The following TTC17 variants were observed in gnomAD, a reference collection of about 807,000 sequenced individuals.
TTC17 encodes tetratricopeptide repeat domain 17.
TTC17 carries 58 observed loss-of-function variants against 143.8 expected under a neutral mutation model. The observed-to-expected ratio is 0.40, with a 90% CI of 0.33 to 0.50. The LOEUF (loss-of-function observed/expected upper bound fraction) is 0.50. Among genes scored for constraint, TTC17 ranks in the 20% least tolerant of loss-of-function variants. TTC17 has a pLI of 0.49. For missense variants in TTC17, 1,273 were observed against 1,392.5 expected, an observed-to-expected ratio of 0.91 and a Z score of 1.37; for synonymous variants, 501 against 497.8, an observed-to-expected ratio of 1.01 and a Z score of -0.09.
At chr11:43,483,223 C>T (rs1948320882) in intron 21 of TTC17, among the ~76,000 whole-genome samples, 1 of 152,042 alleles carries the variant, frequency 6.6e-6, no homozygotes, top group South Asian at 2.1e-4. Context: ...ACAACAAGGT[C>T]TGTTGATTTT....
At chr11:43,386,107 C>T (rs1028924668) in intron 2 of TTC17, among the ~76,000 whole-genome samples, 23 of 150,118 alleles carry the variant, frequency 1.5e-4, no homozygotes, top group Admixed American at 1.3e-4. Flanking sequence ...AAAGGATAGA[C>T]TTTTTATAAA....
intron 1 of TTC17, among the ~76,000 whole-genome samples, chr11:43,377,891 G>GGTTTT (rs913211001): frequency 2.6e-5 from 4 of 151,460 alleles, no homozygotes; most frequent in Non-Finnish European, 1.5e-5. Context: ...TTTGTTTTTT[G>GGTTTT]GTTTTGTTTT....
At chr11:43,424,642 T>A (rs1405530319) in intron 16 of TTC17, among the ~76,000 whole-genome samples, 1 of 151,932 alleles carries the variant, frequency 6.6e-6, no homozygotes, top group African/African-American at 2.4e-5. Flanking sequence ...TGGTGGTGCA[T>A]GCCTGTAATC....
chr11:43,443,962 C>A, intron 17 of TTC17, 94 bp from the exon 18 acceptor site: 1 of 1,385,474 alleles, frequency 7.2e-7, no homozygotes, highest in Non-Finnish European at 9.7e-7. Context: ...TTAACCTGAG[C>A]ACAGTACTTG....
chr11:43,448,083 T>C lies in TTC17; in HGVS notation c.2747T>C (p.Ile916Thr), dbSNP rs772898713. The change falls in exon 19 of 24, where the codon ATC becomes ACC. Residue 916 changes from isoleucine (I) to threonine (T), a missense_variant. Coordinates refer to ENST00000039989, the MANE Select transcript of TTC17 (RefSeq NM_018259.6). ...LKLRWVELTA[I>T]VSTWLAVSSK... Reference sequence around the variant, plus strand: ...CTCCGCTGGGTAGAGCTGACTGCCATCGTGAGTACCTGGCTTGCAGTTTCT... The same window carrying C: ...CTCCGCTGGGTAGAGCTGACTGCCACCGTGAGTACCTGGCTTGCAGTTTCT... 4.3e-6 allele frequency: 7 copies of C among 1,614,044 alleles called. No individual in the cohort carries two copies. The highest frequency in any genetic ancestry group is 2.7e-5 in the African/African-American group (2 of 74,936).
chr11:43,456,812 A>G (rs1344262283), intron 21 of TTC17, among the ~76,000 whole-genome samples: 1 of 152,190 alleles, frequency 6.6e-6, no homozygotes, highest in Non-Finnish European at 1.5e-5. Flanking sequence ...CAGATTGGAA[A>G]TCAAACACAT....
rs1857988984 is a variant in TTC17, at chr11:43,403,910, T to G, written c.1333-88T>G. The G allele has an allele frequency of 2.6e-6, 3 of 1,170,576 alleles. No individual in the cohort carries two copies. The East Asian group carries it at 7.9e-5, about 31-fold the overall frequency. The allele number at this position is 1,170,576 out of a possible 1,614,324, so 72.5% of individuals were successfully genotyped here. ...TCTGATTTTCTACTAATTTTGAATA[T>G]TCACTCGCTTTTTTGGTGTGAGTTA... is the stretch of plus-strand genomic sequence containing the variant. On this transcript the variant is annotated intron_variant, in intron 10 of 23. Transcript: ENST00000039989.
chr11:43,489,395 G>A (rs1948433242), intron 21 of TTC17, among the ~76,000 whole-genome samples: 1 of 152,142 alleles, frequency 6.6e-6, no homozygotes, highest in African/African-American at 2.4e-5. Context: ...CTCTGTGATG[G>A]GGCTATAAGG....
rs549798672 is a variant in TTC17, at chr11:43,414,600, T to C, written c.2075T>C (p.Phe692Ser). Residue 692 changes from phenylalanine to serine, a missense_variant, in exon 16 of 24, where the codon TTT (phenylalanine) becomes TCT (serine). Physicochemically the swap from Phe to Ser is radical, Grantham distance 155. Transcript: ENST00000039989. ...LAINSSEPLT[F>S]LSLGNAYLAL... ...TTTTTTTCTTTTCAGCCTCTGACCT[T>C]TTTGAGCCTGGGAAATGCTTACCTT... 1.5e-5 allele frequency: 24 copies of C among 1,600,662 alleles called. No individual in the cohort carries two copies. In the East Asian group the frequency reaches 5.1e-4, roughly 34 times the overall value.
intron 21 of TTC17, among the ~76,000 whole-genome samples, chr11:43,489,634 A>G (rs1948438103): frequency 6.6e-6 from 1 of 151,946 alleles, no homozygotes; most frequent in African/African-American, 2.4e-5. Context: ...GCTACTCGGG[A>G]GGCTGAGACA....
intron 16 of TTC17, chr11:43,435,077 T>TGATAGATAGATAGATAGATA (rs35185017): frequency 1.7e-4 from 24 of 144,394 alleles, no homozygotes; most frequent in East Asian, 4.1e-4. Flanking sequence ...ACAGATAAGA[T>TGATAGATAGATAGATAGATA]GATAGATAGA....
intron 21 of TTC17, among the ~76,000 whole-genome samples, chr11:43,482,787 T>A (rs963012519): frequency 6.6e-6 from 1 of 152,124 alleles, no homozygotes; most frequent in Non-Finnish European, 1.5e-5. Context: ...TATTAATAAT[T>A]ATGAATTTGC....
chr11:43,388,301 A>G (rs1413738298), intron 2 of TTC17, among the ~76,000 whole-genome samples: 3 of 152,202 alleles, frequency 2.0e-5, no homozygotes, highest in Non-Finnish European at 4.4e-5. Flanking sequence ...TAAGTTGTAG[A>G]TACATTAAGT....
chr11:43,396,537 C>A, intron 5 of TTC17, 172 bp from the exon 6 acceptor site: 1 of 402,704 alleles, frequency 2.5e-6, no homozygotes, highest in African/African-American at 2.0e-5. Flanking sequence ...GCTCTTCTGA[C>A]AGGTATAGTT....
At chr11:43,398,177 A>G in intron 8 of TTC17, 64 bp downstream of exon 8, 9 of 1,568,922 alleles carry the variant, frequency 5.7e-6, no homozygotes. Flanking sequence ...AAATCTGTGT[A>G]GGGGATATCA....
At chr11:43,465,100 G>C (rs1947944910) in intron 21 of TTC17, among the ~76,000 whole-genome samples, 1 of 152,220 alleles carries the variant, frequency 6.6e-6, no homozygotes, top group South Asian at 2.1e-4. Context: ...ACAAAACTAA[G>C]GGTAAGTGAA....
intron 2 of TTC17, among the ~76,000 whole-genome samples, chr11:43,387,080 A>G (rs1254341337): frequency 3.9e-5 from 6 of 152,198 alleles, no homozygotes; most frequent in Admixed American, 2.0e-4. Context: ...CACCACGCCA[A>G]TCCTACTAAT....
At position 43,397,877 on chromosome 11, in the gene TTC17, G is replaced by C. The variant is rs530317322; in HGVS notation, c.919-97G>C. 143 of 1,505,782 alleles carry C rather than the reference G, an allele frequency of 9.5e-5. No individual in the cohort carries two copies. The South Asian group carries it at 1.7e-3, about 18-fold the overall frequency. The allele number at this position is 1,505,782 out of a possible 1,614,324, so 93.3% of individuals were successfully genotyped here. A position where few individuals can be genotyped will look rare whatever the true frequency, so the allele number is the denominator to read the frequency against. On this transcript the variant is annotated intron_variant, in intron 7 of 23. Transcript: ENST00000039989. ...TAGAGGATTTGGACAGATGCAACCAGGCCGTGGCTAACATTTTTTTTTCCG... is the reference window on the plus strand; with the variant it reads ...TAGAGGATTTGGACAGATGCAACCACGCCGTGGCTAACATTTTTTTTTCCG...
intron 1 of TTC17, among the ~76,000 whole-genome samples, chr11:43,369,506 G>A (rs1565128892): frequency 6.6e-6 from 1 of 152,130 alleles, no homozygotes; most frequent in African/African-American, 2.4e-5. Flanking sequence ...GGAAATTCAG[G>A]TGATAGTCAA....
Sources: gnomAD v4.1 joint callset for allele counts (sites outside exome capture counted in the v4.1 genomes callset) on GRCh38, gnomAD v4.1.1 for gene constraint, MANE v1.5 for transcripts, NCBI Gene and HGNC (gene_info 2026-07-23, HGNC 2026-07-21) for gene names.